The following ANKRD11 variants were observed in gnomAD, a reference collection of about 807,000 sequenced individuals.
The protein encoded by ANKRD11 is ankyrin repeat domain-containing protein 11.
In ANKRD11, 17 loss-of-function variants were observed where a neutral mutation model predicts 195.7. The observed-to-expected ratio is 0.09, with a 90% CI of 0.06 to 0.13. The LOEUF (loss-of-function observed/expected upper bound fraction) is 0.13. Among genes scored for constraint, ANKRD11 ranks in the 10% least tolerant of loss-of-function variants. The probability of loss-of-function intolerance (pLI) is 1.00; values close to 1 mark genes in which losing one functional copy is unlikely to be tolerated. For synonymous variants in ANKRD11, 1,953 were observed against 1,528.1 expected, an observed-to-expected ratio of 1.28 and a Z score of -6.49; for missense variants, 3,735 against 3,566.1, an observed-to-expected ratio of 1.05 and a Z score of -1.21.
intron 2 of ANKRD11, chr16:89,323,816 G>A (rs2151944455): frequency 4.2e-6 from 1 of 237,416 alleles, no homozygotes; most frequent in South Asian, 4.9e-5. Flanking sequence ...ACCAACTGTG[G>A]GGTTCCAGCT....
intron 1 of ANKRD11, among the ~76,000 whole-genome samples, chr16:89,475,310 C>A (rs1281019243): frequency 6.6e-6 from 1 of 152,184 alleles, no homozygotes; most frequent in African/African-American, 2.4e-5. Context: ...CGTGGCCAAG[C>A]TGGGATGTGA....
chr16:89,397,203 C>A (rs1262359331), intron 2 of ANKRD11, among the ~76,000 whole-genome samples: 1 of 152,150 alleles, frequency 6.6e-6, no homozygotes, highest in East Asian at 1.9e-4. Flanking sequence ...GTCTCACAGT[C>A]CTGAGGATGA....
chr16:89,360,372 C>T (rs2039679361), intron 2 of ANKRD11, among the ~76,000 whole-genome samples: 1 of 152,226 alleles, frequency 6.6e-6, no homozygotes, highest in Admixed American at 6.5e-5. Context: ...GCTGGGACTA[C>T]AGGTGAACAT....
At chr16:89,360,737 T>C (rs1294428797) in intron 2 of ANKRD11, 1 of 152,274 alleles carries the variant, frequency 6.6e-6, no homozygotes, top group Non-Finnish European at 1.5e-5. Flanking sequence ...TGTGTGTCTG[T>C]CATGTGGCTA....
intron 2 of ANKRD11, among the ~76,000 whole-genome samples, chr16:89,375,097 C>T (rs191582009): frequency 1.3e-5 from 2 of 152,112 alleles, no homozygotes; most frequent in East Asian, 3.9e-4. Flanking sequence ...AACGTAACGT[C>T]GCAGGCTCAA....
chr16:89,389,876 C>T (rs1205033620), intron 2 of ANKRD11, among the ~76,000 whole-genome samples: 6 of 107,154 alleles, frequency 5.6e-5, no homozygotes, highest in East Asian at 5.6e-4. Flanking sequence ...ATCACTGGGG[C>T]GAACACCGAG....
At chr16:89,388,639 C>T (rs2152120359) in intron 2 of ANKRD11, among the ~76,000 whole-genome samples, 2 of 152,280 alleles carry the variant, frequency 1.3e-5, no homozygotes, top group African/African-American at 4.8e-5. Context: ...CTGAAGGAGG[C>T]TGCATAGAGC....
At position 89,285,874 on chromosome 16, in the gene ANKRD11, C is replaced by T. The variant is rs557600586; in HGVS notation, c.892+165G>A. On this transcript the variant is annotated intron_variant, in intron 8 of 12. Coordinates refer to ENST00000301030, the MANE Select transcript of ANKRD11 (RefSeq NM_013275.6). This position sits in a 1 kb window ranked among gnomAD's most constrained non-coding sequence, Gnocchi z 5.6. ...CTTAGAATGAAGACTGCAGGCTTCT[C>T]GGCAGTGACACACCTGGGCGGGGTC... Among the ~76,000 whole-genome samples the T allele has an allele frequency of 5.9e-5, 9 of 152,344 alleles. No individual in the cohort carries two copies. The highest frequency in any genetic ancestry group is 3.9e-4 in the East Asian group (2 of 5,188).
At chr16:89,286,361 G>A (rs774728968) in intron 7 of ANKRD11, 175 bp from the exon 8 acceptor site, 11 of 927,122 alleles carry the variant, frequency 1.2e-5, no homozygotes, top group Non-Finnish European at 1.5e-5. Flanking sequence ...GGCTCTGGGT[G>A]TGGTGGGCGA....
chr16:89,306,909 G>A (rs1306255811), intron 3 of ANKRD11, among the ~76,000 whole-genome samples: 3 of 151,336 alleles, frequency 2.0e-5, no homozygotes, highest in Non-Finnish European at 4.4e-5. Context: ...CTCCCACTCC[G>A]CAGACACGTG....
At chr16:89,298,559 G>A (rs1408470397) in intron 4 of ANKRD11, among the ~76,000 whole-genome samples, 1 of 152,246 alleles carries the variant, frequency 6.6e-6, no homozygotes, top group African/African-American at 2.4e-5. Context: ...TCACTTGGCT[G>A]ACTGCTCCCA....
chr16:89,330,611 G>A (rs1037644494), intron 2 of ANKRD11, among the ~76,000 whole-genome samples: 1 of 147,016 alleles, frequency 6.8e-6, no homozygotes, highest in African/African-American at 2.5e-5. Flanking sequence ...AAGGGGCTGC[G>A]TGAGGGTCCT....
At chr16:89,295,000 C>G (rs562265374) in intron 4 of ANKRD11, among the ~76,000 whole-genome samples, 2 of 152,366 alleles carry the variant, frequency 1.3e-5, no homozygotes, top group African/African-American at 4.8e-5. Context: ...CCTGTTTCTA[C>G]CGTCCAAATG....
intron 2 of ANKRD11, among the ~76,000 whole-genome samples, chr16:89,393,351 T>C (rs1056472126): frequency 4.0e-5 from 6 of 150,840 alleles, no homozygotes; most frequent in African/African-American, 1.2e-4. Context: ...TGCTCTGTAG[T>C]GCGAGACCAC....
chr16:89,274,796 C>T lies in ANKRD11; in HGVS notation c.7713+18G>A. 3 of 1,607,658 alleles carry T rather than the reference C, an allele frequency of 1.9e-6. No individual in the cohort carries two copies. The highest frequency in any genetic ancestry group is 2.5e-6 in the Non-Finnish European group (3 of 1,179,810). On this transcript the variant is annotated intron_variant, in intron 11 of 12. Transcript: ENST00000301030. Reference sequence around the variant, plus strand: ...CAGGCACTTGGACTCATGGGCCTGGCATGCAGACGGGCCCTACCTGGCTCT... The same window carrying T: ...CAGGCACTTGGACTCATGGGCCTGGTATGCAGACGGGCCCTACCTGGCTCT...
chr16:89,455,170 C>T (rs2056375476), intron 1 of ANKRD11, among the ~76,000 whole-genome samples: 1 of 139,610 alleles, frequency 7.2e-6, no homozygotes, highest in Non-Finnish European at 1.6e-5. Flanking sequence ...CAAGCTGCTC[C>T]CCTGGGTGCT....
intron 7 of ANKRD11, chr16:89,287,140 G>C: frequency 7.8e-7 from 1 of 1,287,630 alleles, no homozygotes; most frequent in South Asian, 1.2e-5. Flanking sequence ...GTTTCTTGCA[G>C]GGCTGGGACG....
At chr16:89,483,373 C>A (rs1407720148) in intron 1 of ANKRD11, among the ~76,000 whole-genome samples, 1 of 152,114 alleles carries the variant, frequency 6.6e-6, no homozygotes, top group Non-Finnish European at 1.5e-5. Flanking sequence ...AAAGACTTTG[C>A]CAAAGAAAAA....
intron 1 of ANKRD11, among the ~76,000 whole-genome samples, chr16:89,444,267 C>G (rs2043676718): frequency 6.6e-6 from 1 of 152,078 alleles, no homozygotes; most frequent in Non-Finnish European, 1.5e-5. Flanking sequence ...AGAAAACTGT[C>G]TCCATGAGAT....
Sources: gnomAD v4.1 joint callset for allele counts (sites outside exome capture counted in the v4.1 genomes callset) on GRCh38, gnomAD v4.1.1 for gene constraint, Gnocchi (gnomAD v3.1) non-coding constraint, MANE v1.5 for transcripts, NCBI Gene and HGNC (gene_info 2026-07-23, HGNC 2026-07-21) for gene names.